The following IL23R variants were observed in gnomAD, a reference collection of about 807,000 sequenced individuals.
The protein encoded by IL23R is interleukin 23 receptor, also known as interleukin-23 receptor.
A neutral mutation model predicts 56.9 loss-of-function variants in IL23R; 34 were observed. The ratio of observed to expected loss-of-function variants is 0.60; its 90% CI spans 0.45 to 0.80. The LOEUF (loss-of-function observed/expected upper bound fraction) is 0.80. IL23R is among the 30% of genes least tolerant of loss of function. The pLI, the probability that IL23R is intolerant of heterozygous loss-of-function variation, is 0.00. For missense variants in IL23R, 635 were observed against 730.0 expected (o/e 0.87, Z 1.50); for synonymous variants, 230 against 249.2 (o/e 0.92, Z 0.73).
intron 7 of IL23R, among the ~76,000 whole-genome samples, chr1:67,235,896 G>C (rs775011547): frequency 3.9e-5 from 6 of 152,172 alleles, no homozygotes; most frequent in Non-Finnish European, 5.9e-5. Flanking sequence ...CAGAGTGACG[G>C]AATACACAGG....
At chr1:67,264,529 A>G (rs1653289472), downstream of IL23R, among the ~76,000 whole-genome samples, 5 of 152,132 alleles carry the variant, frequency 3.3e-5, no homozygotes, top group Admixed American at 2.6e-4. Flanking sequence ...AATGAAAACA[A>G]TATAACATAA....
At chr1:67,145,225 T>C (rs973587106) in intron 1 of IL23R, among the ~76,000 whole-genome samples, 4 of 152,122 alleles carry the variant, frequency 2.6e-5, no homozygotes, top group African/African-American at 9.7e-5. Context: ...CGGGCACCTG[T>C]AATTCCAGCT....
At chr1:67,163,179 A>G (rs929384647), upstream of IL23R, among the ~76,000 whole-genome samples, 2 of 152,086 alleles carry the variant, frequency 1.3e-5, no homozygotes, top group Non-Finnish European at 2.9e-5. Context: ...GAGTCAAAAG[A>G]TGTATGTGGC....
chr1:67,220,784 T>C (rs1002509975), intron 7 of IL23R, among the ~76,000 whole-genome samples: 3 of 152,196 alleles, frequency 2.0e-5, no homozygotes, highest in Non-Finnish European at 4.4e-5. Flanking sequence ...GGAAGAATTA[T>C]TGATCTAAAC....
chr1:67,165,232 C>T (rs1646861434), upstream of IL23R, among the ~76,000 whole-genome samples: 1 of 151,946 alleles, frequency 6.6e-6, no homozygotes, highest in Non-Finnish European at 1.5e-5. Flanking sequence ...AAACAACAAC[C>T]AAAACCAAAA....
At chr1:67,140,011 C>A (rs894410564) in intron 1 of IL23R, among the ~76,000 whole-genome samples, 3 of 152,148 alleles carry the variant, frequency 2.0e-5, no homozygotes, top group Non-Finnish European at 2.9e-5. Context: ...CCATGTGATG[C>A]CCTGTGCCAC....
intron 1 of IL23R, among the ~76,000 whole-genome samples, chr1:67,144,602 C>T (rs113424676): frequency 0.032 from 4,834 of 152,226 alleles, 229 homozygotes; most frequent in African/African-American, 0.11. Context: ...AAATTAAATA[C>T]TGATAAATTT....
intron 5 of IL23R, among the ~76,000 whole-genome samples, chr1:67,205,958 T>G (rs975808996): frequency 1.3e-5 from 2 of 151,688 alleles, no homozygotes; most frequent in African/African-American, 4.8e-5. Context: ...TTTTTCTTTC[T>G]TTCTTTCTTG....
At chr1:67,234,320 CTA>C (rs1467408765) in intron 7 of IL23R, among the ~76,000 whole-genome samples, 12 of 152,096 alleles carry the variant, frequency 7.9e-5, no homozygotes, top group Non-Finnish European at 1.5e-4. Flanking sequence ...TGAAATTTCC[CTA>C]TGAGGATTAA....
chr1:67,174,668 T>C (rs796381594), intron 3 of IL23R, among the ~76,000 whole-genome samples: 27 of 152,234 alleles, frequency 1.8e-4, no homozygotes, highest in African/African-American at 6.3e-4. Context: ...AATATTTCTA[T>C]ACTTAAAAAA....
chr1:67,196,741 A>G (rs1477644368), intron 4 of IL23R, among the ~76,000 whole-genome samples: 1 of 152,210 alleles, frequency 6.6e-6, no homozygotes, highest in Non-Finnish European at 1.5e-5. Flanking sequence ...AAAACAGGGA[A>G]AAAAGATAAC....
chr1:67,157,384 T>C (rs1029012499), intron 1 of IL23R, among the ~76,000 whole-genome samples: 4 of 152,234 alleles, frequency 2.6e-5, no homozygotes, highest in Non-Finnish European at 5.9e-5. Context: ...ACCTTTCTAG[T>C]TACTTTTGCC....
intron 1 of IL23R, among the ~76,000 whole-genome samples, chr1:67,141,468 T>C (rs943753201): frequency 6.6e-6 from 1 of 151,274 alleles, no homozygotes; most frequent in African/African-American, 2.4e-5. Flanking sequence ...CTCAAAAAAG[T>C]TTTTACAAGT....
intron 1 of IL23R, among the ~76,000 whole-genome samples, chr1:67,155,024 G>A (rs1646759601): frequency 6.6e-6 from 1 of 152,142 alleles, no homozygotes; most frequent in South Asian, 2.1e-4. Flanking sequence ...GTCTGGAAAT[G>A]ATTTTATTTC....
chr1:67,229,356 A>G (rs1473450423), intron 7 of IL23R, among the ~76,000 whole-genome samples: 1 of 152,234 alleles, frequency 6.6e-6, no homozygotes, highest in African/African-American at 2.4e-5. Flanking sequence ...TGCAGTGGGC[A>G]AGGCATGTGG....
chr1:67,245,287 G>A (rs1166895530), intron 9 of IL23R, among the ~76,000 whole-genome samples: 1 of 152,088 alleles, frequency 6.6e-6, no homozygotes, highest in Non-Finnish European at 1.5e-5. Flanking sequence ...TTTCCTAATT[G>A]AATACCCTTT....
At chr1:67,178,498 T>C in intron 3 of IL23R, among the ~76,000 whole-genome samples, 1 of 152,226 alleles carries the variant, frequency 6.6e-6, no homozygotes. Flanking sequence ...AAGTTGCCTA[T>C]CAGCTTAAGG....
intron 1 of IL23R, among the ~76,000 whole-genome samples, chr1:67,154,389 T>A (rs1646754100): frequency 6.6e-6 from 1 of 152,068 alleles, no homozygotes. Context: ...TGTGTGGGAG[T>A]CTAAGTCTCT....
chr1:67,180,489 C>T (rs1472262741), intron 3 of IL23R, among the ~76,000 whole-genome samples: 2 of 150,552 alleles, frequency 1.3e-5, no homozygotes, highest in East Asian at 3.9e-4. Flanking sequence ...TTCCTCCATC[C>T]CTTTATTTTG....
Sources: gnomAD v4.1 joint callset for allele counts (sites outside exome capture counted in the v4.1 genomes callset) on GRCh38, gnomAD v4.1.1 for gene constraint, MANE v1.5 for transcripts, NCBI Gene and HGNC (gene_info 2026-07-23, HGNC 2026-07-21) for gene names.